The following HDGF variants were observed in gnomAD, a reference collection of about 807,000 sequenced individuals.
The protein encoded by HDGF is hepatoma-derived growth factor.
HDGF carries 5 observed loss-of-function variants against 30.0 expected under a neutral mutation model. The observed-to-expected ratio is 0.17, with a 90% CI of 0.09 to 0.35. The LOEUF is 0.35. Ranked by LOEUF, HDGF falls within the 10% of genes least tolerant of loss-of-function variation. The pLI is 1.00. For missense variants in HDGF, 214 were observed against 302.8 expected (o/e 0.71, Z 2.18); for synonymous variants, 133 against 112.7 (o/e 1.18, Z -1.14).
rs71080793 is a variant in HDGF, at chr1:156,765,472, C to CTTTTTTT, written n.136+1311_136+1317dup. 1.8e-3 allele frequency among the ~76,000 whole-genome samples: 159 copies of CTTTTTTT among 86,008 alleles called. 1 individual carries two copies. Among genetic ancestry groups the CTTTTTTT allele is most frequent in the Middle Eastern group, 9.4e-3 (1 of 106 alleles). 56.4% of individuals were successfully genotyped at this position (86,008 alleles called of 152,430 possible). On this transcript the variant is annotated intron_variant and non_coding_transcript_variant, in intron 1 of 7. Transcript: ENST00000465180. ...TCCTTCTTTCCTTCTTTCTTTCTTT[C>CTTTTTTT]TTTTTTTTTTTTTTTTTTTTGAGAT...
At chr1:156,761,825 T>C (rs1211119284) in intron 1 of HDGF, among the ~76,000 whole-genome samples, 1 of 146,778 alleles carries the variant, frequency 6.8e-6, no homozygotes, top group Non-Finnish European at 1.5e-5. Context: ...CATGCGCCTA[T>C]AGTCCCAGCT....
upstream of HDGF, among the ~76,000 whole-genome samples, chr1:156,756,848 A>T (rs1651161506): frequency 1.4e-5 from 2 of 140,194 alleles, no homozygotes; most frequent in South Asian, 4.4e-4. Context: ...AGGTGAGTGC[A>T]GTGGCGCAAT....
chr1:156,754,939 C>A (rs966218000), upstream of HDGF, among the ~76,000 whole-genome samples: 1 of 152,128 alleles, frequency 6.6e-6, no homozygotes, highest in African/African-American at 2.4e-5. Flanking sequence ...CAAGAGTGAA[C>A]CTCCGTCTCA....
At chr1:156,745,248 T>A in intron 2 of HDGF, 49 bp downstream of exon 2, 1 of 1,608,026 alleles carries the variant, frequency 6.2e-7, no homozygotes, top group Non-Finnish European at 8.5e-7. Context: ...TTCCCCAGAG[T>A]AGTCCTCCCG....
Position 156,744,315 on chromosome 1 carries a change from C to T in HDGF, c.337G>A (p.Glu113Lys), listed in dbSNP as rs748544475. ...SQKKSCVEEP[E>K]PEPEAAEGDG... ...CCCTCTGCAGCTTCGGGCTCTGGTT[C>T]AGGCTCTTCCACACAGCTCTTTTTC... The change falls in exon 4 of 6, where the codon GAA becomes AAA. Residue 113 changes from glutamate to lysine, a missense_variant. Glu to Lys is a moderately conservative substitution (Grantham distance 56, BLOSUM62 1). Transcript: ENST00000357325. The T allele has an allele frequency of 1.4e-5, 22 of 1,614,072 alleles. No homozygotes were observed. The highest frequency in any genetic ancestry group is 1.8e-5 in the Non-Finnish European group (21 of 1,180,036).
chr1:156,755,737 T>TC (rs1447621224), upstream of HDGF: 3 of 152,192 alleles, frequency 2.0e-5, no homozygotes, highest in African/African-American at 7.2e-5. Context: ...ATTGCCTACT[T>TC]CCACCCACGC....
At chr1:156,757,100 G>GT (rs1558039315), upstream of HDGF, among the ~76,000 whole-genome samples, 1 of 151,554 alleles carries the variant, frequency 6.6e-6, no homozygotes, top group Non-Finnish European at 1.5e-5. Flanking sequence ...GCTTGGTTCT[G>GT]TTTTTTTGAA....
upstream of HDGF, among the ~76,000 whole-genome samples, chr1:156,756,970 T>C (rs1651163575): frequency 6.6e-6 from 1 of 151,906 alleles, no homozygotes; most frequent in South Asian, 2.1e-4. Context: ...TTTTTGTATT[T>C]TTAGTAGAGA....
intron 1 of HDGF, among the ~76,000 whole-genome samples, chr1:156,759,962 C>G (rs534537088): frequency 3.3e-5 from 5 of 152,228 alleles, no homozygotes; most frequent in Non-Finnish European, 7.3e-5. Flanking sequence ...CACATTTCAT[C>G]TTATTCAGGA....
intron 1 of HDGF, among the ~76,000 whole-genome samples, chr1:156,764,490 C>T (rs1651316624): frequency 6.6e-6 from 1 of 152,202 alleles, no homozygotes; most frequent in Non-Finnish European, 1.5e-5. Context: ...AGCCACTGCG[C>T]CTGGCCTTGC....
chr1:156,747,235 T>TCCC (rs1349728678), intron 1 of HDGF, among the ~76,000 whole-genome samples: 5 of 18,528 alleles, frequency 2.7e-4, no homozygotes, highest in Admixed American at 5.5e-4. Context: ...TGACCGCCCC[T>TCCC]CCCCCCTCCC....
intron 1 of HDGF, among the ~76,000 whole-genome samples, chr1:156,763,556 G>A (rs1002548631): frequency 6.7e-6 from 1 of 150,102 alleles, no homozygotes. Flanking sequence ...GATTACTTTC[G>A]AAAGGCTCAT....
At chr1:156,747,753 A>G (rs925897618) in intron 1 of HDGF, among the ~76,000 whole-genome samples, 3 of 152,080 alleles carry the variant, frequency 2.0e-5, no homozygotes, top group Non-Finnish European at 4.4e-5. Context: ...GTGATGGAAG[A>G]GGAGAAACTG....
In HDGF at chr1:156,744,332, C is replaced by T; in HGVS notation, c.320G>A (p.Ser107Asn). The T allele has an allele frequency of 6.2e-7, 1 of 1,614,146 alleles. No individual in the cohort carries two copies. The change falls in exon 4 of 6, where the codon AGC becomes AAC. Residue 107 changes from serine (S) to asparagine (N), a missense_variant. By Grantham distance (46) the Ser-to-Asn change is conservative (BLOSUM62 1). Coordinates refer to ENST00000357325, the MANE Select transcript of HDGF (RefSeq NM_004494.3). ...CTCTGGTTCAGGCTCTTCCACACAG[C>T]TCTTTTTCTGGGAGGACTGCAGCAG... is the stretch of plus-strand genomic sequence containing the variant. The part of the protein sequence containing the change: ...ASGYQSSQKK[S>N]CVEEPEPEPE...
chr1:156,757,522 G>A (rs1399308714), intron 2 of HDGF, among the ~76,000 whole-genome samples: 4 of 151,320 alleles, frequency 2.6e-5, no homozygotes, highest in South Asian at 2.1e-4. Context: ...GCCGGGTGTG[G>A]TGGCTCACAC....
upstream of HDGF, chr1:156,752,116 A>G (rs1263663428): frequency 6.4e-7 from 1 of 1,551,416 alleles, no homozygotes; most frequent in South Asian, 1.2e-5. Context: ...CAATCCACAA[A>G]TATTTACTGG....
At chr1:156,766,907 G>A (rs558157261) in exon 1 of HDGF, 3 of 152,346 alleles carry the variant, frequency 2.0e-5, no homozygotes, top group African/African-American at 7.2e-5. Context: ...ATCCTGGTGA[G>A]GGAGATCACC....
chr1:156,760,005 T>C (rs1322575542), intron 1 of HDGF, among the ~76,000 whole-genome samples: 3 of 152,248 alleles, frequency 2.0e-5, no homozygotes, highest in African/African-American at 7.2e-5. Flanking sequence ...CTTTCCACTT[T>C]GCAAAGTGAA....
chr1:156,757,501 T>C (rs1331991490), intron 2 of HDGF, among the ~76,000 whole-genome samples: 2 of 147,818 alleles, frequency 1.4e-5, no homozygotes, highest in Non-Finnish European at 1.5e-5. Flanking sequence ...ATAAATAAAT[T>C]TAAATTAAAG....
Sources: allele counts gnomAD v4.1 joint callset (sites outside exome capture counted in the v4.1 genomes callset), GRCh38; gene constraint gnomAD v4.1.1; transcripts MANE v1.5; gene names NCBI Gene and HGNC (gene_info 2026-07-23, HGNC 2026-07-21).